Variants in LARS2 observed in about 807,000 individuals in gnomAD.
The protein encoded by LARS2 is leucine--tRNA ligase, mitochondrial.
A neutral mutation model predicts 116.6 loss-of-function variants in LARS2; 81 were observed. That is an observed-to-expected ratio of 0.69 (90% confidence interval 0.58 to 0.84). The LOEUF is 0.84. Among genes scored for constraint, LARS2 ranks in the 40% least tolerant of loss-of-function variants. The pLI, the probability that LARS2 is intolerant of heterozygous loss-of-function variation, is 0.00. For synonymous variants in LARS2, 396 were observed against 407.2 expected (o/e 0.97, Z 0.33); for missense variants, 968 against 1,114.5 (o/e 0.87, Z 1.87).
chr3:45,390,322 AT>A (rs1009683478), intron 1 of LARS2, among the ~76,000 whole-genome samples: 2 of 149,414 alleles, frequency 1.3e-5, no homozygotes, highest in Non-Finnish European at 1.5e-5. Context: ...TTATTTATTT[AT>A]TTTTTTTGAG....
At chr3:45,523,206 A>G (rs1288433823) in intron 19 of LARS2, among the ~76,000 whole-genome samples, 1 of 152,226 alleles carries the variant, frequency 6.6e-6, no homozygotes, top group Non-Finnish European at 1.5e-5. Flanking sequence ...ACACAGAGCT[A>G]AACACAACTA....
intron 18 of LARS2, among the ~76,000 whole-genome samples, chr3:45,518,732 T>TA (rs997726220): frequency 2.7e-4 from 40 of 146,812 alleles, no homozygotes; most frequent in Admixed American, 1.9e-3. Context: ...TAAGCTGATT[T>TA]AAAAAAAAAA....
chr3:45,535,322 C>T (rs1700683921), intron 20 of LARS2, among the ~76,000 whole-genome samples: 1 of 151,270 alleles, frequency 6.6e-6, no homozygotes, highest in Non-Finnish European at 1.5e-5. Flanking sequence ...CACTGCACTC[C>T]TGCCTGGGCG....
At position 45,520,350 on chromosome 3, in the gene LARS2, C is replaced by T. The variant is rs1001016145; in HGVS notation, c.2292+54C>T. 9.9e-6 allele frequency: 14 copies of T among 1,412,256 alleles called. No individual in the cohort carries two copies. The Admixed American group carries it at 1.3e-4, about 14-fold the overall frequency. The allele number at this position is 1,412,256 out of a possible 1,614,324, so 87.5% of individuals were successfully genotyped here. A position where few individuals can be genotyped will look rare whatever the true frequency, so the allele number is the denominator to read the frequency against. The stretch of plus-strand genomic sequence containing the variant: ...GCAGAGGAGGGAGGGAGAGGTGTGG[C>T]AAGGGGCCCCACAGGGTCCCAAGAG... On this transcript the variant is annotated intron_variant, in intron 19 of 21. Coordinates refer to ENST00000645846, the MANE Select transcript of LARS2 (RefSeq NM_015340.4).
intron 4 of LARS2, among the ~76,000 whole-genome samples, chr3:45,412,159 G>C (rs1438553315): frequency 6.6e-6 from 1 of 152,110 alleles, no homozygotes; most frequent in African/African-American, 2.4e-5. Context: ...CATACATGTG[G>C]ATGTGTCTGT....
intron 6 of LARS2, among the ~76,000 whole-genome samples, chr3:45,437,066 G>A (rs892251871): frequency 6.6e-6 from 1 of 152,180 alleles, no homozygotes; most frequent in Admixed American, 6.5e-5. Flanking sequence ...AAAAAAGACA[G>A]TGTGAGATGT....
At position 45,499,385 on chromosome 3, in the gene LARS2, T is replaced by C. The variant is rs368094897; in HGVS notation, c.1623-1057T>C. On this transcript the variant is annotated intron_variant, in intron 14 of 21. Coordinates refer to ENST00000645846, the MANE Select transcript of LARS2 (RefSeq NM_015340.4). ...TGAACCCTGGAGGCGGAGGTTGCAG[T>C]GAGCCGAGATCACGCCCCTGCAACC... 2.4e-3 allele frequency among the ~76,000 whole-genome samples: 370 copies of C among 152,100 alleles called. 12 individuals carry two copies. The South Asian group carries it at 0.07, about 29-fold the overall frequency.
At chr3:45,406,271 T>C (rs965690424) in intron 4 of LARS2, among the ~76,000 whole-genome samples, 1 of 152,158 alleles carries the variant, frequency 6.6e-6, no homozygotes, top group African/African-American at 2.4e-5. Flanking sequence ...TCTTAAACTT[T>C]AGGGTGTGTA....
intron 6 of LARS2, among the ~76,000 whole-genome samples, chr3:45,428,976 GACACA>G (rs2125693530): frequency 6.6e-6 from 1 of 152,146 alleles, no homozygotes; most frequent in East Asian, 1.9e-4. Flanking sequence ...GAGGTTTTCT[GACACA>G]GCCATAATAC....
chr3:45,461,054 G>A (rs1053629214), intron 8 of LARS2, among the ~76,000 whole-genome samples: 3 of 152,092 alleles, frequency 2.0e-5, no homozygotes, highest in Non-Finnish European at 4.4e-5. Context: ...GGAAAAAAAG[G>A]CATTCCAATA....
intron 4 of LARS2, among the ~76,000 whole-genome samples, chr3:45,415,329 A>G (rs1273309872): frequency 6.6e-6 from 1 of 152,230 alleles, no homozygotes; most frequent in African/African-American, 2.4e-5. Flanking sequence ...TACTCTTTAG[A>G]AATAATAATA....
At chr3:45,533,352 A>G (rs1298444858) in intron 20 of LARS2, among the ~76,000 whole-genome samples, 1 of 151,692 alleles carries the variant, frequency 6.6e-6, no homozygotes, top group African/African-American at 2.4e-5. Context: ...GGGTTTCACC[A>G]TGTTGGTCAG....
intron 7 of LARS2, among the ~76,000 whole-genome samples, chr3:45,448,092 A>G (rs949729200): frequency 3.9e-5 from 6 of 152,188 alleles, no homozygotes; most frequent in African/African-American, 1.4e-4. Flanking sequence ...TACAAAAAGT[A>G]GGAAAAAATT....
chr3:45,546,117 C>T (rs1261780414), intron 21 of LARS2, among the ~76,000 whole-genome samples: 2 of 152,328 alleles, frequency 1.3e-5, no homozygotes, highest in East Asian at 1.9e-4. Context: ...CTGGGCTGCT[C>T]TTCCATAGGA....
intron 20 of LARS2, among the ~76,000 whole-genome samples, chr3:45,532,055 G>A (rs116278306): frequency 0.013 from 2,041 of 152,240 alleles, 29 homozygotes; most frequent in African/African-American, 0.047. Context: ...CAGCAAATAA[G>A]GATGTTTTCT....
At chr3:45,491,835 C>T in intron 13 of LARS2, 35 bp downstream of exon 13, 1 of 1,593,810 alleles carries the variant, frequency 6.3e-7, no homozygotes, top group South Asian at 1.1e-5. Context: ...GTGACTGTGC[C>T]TATGGCCCCA....
At chr3:45,483,796 T>C (rs1699746132) in intron 10 of LARS2, among the ~76,000 whole-genome samples, 1 of 152,190 alleles carries the variant, frequency 6.6e-6, no homozygotes, top group Non-Finnish European at 1.5e-5. Flanking sequence ...CCATTGGGGC[T>C]GCATTTCACT....
At chr3:45,431,884 T>C (rs969102109) in intron 6 of LARS2, among the ~76,000 whole-genome samples, 1 of 152,152 alleles carries the variant, frequency 6.6e-6, no homozygotes, top group East Asian at 1.9e-4. Flanking sequence ...AAAAATGTAT[T>C]AAAAAGCATG....
At chr3:45,464,964 G>A (rs1030712582) in intron 8 of LARS2, among the ~76,000 whole-genome samples, 3 of 152,048 alleles carry the variant, frequency 2.0e-5, no homozygotes, top group South Asian at 2.1e-4. Flanking sequence ...GGTCAGACAG[G>A]GCTGAGGGTG....
Sources: gnomAD v4.1 joint callset for allele counts (sites outside exome capture counted in the v4.1 genomes callset) on GRCh38, gnomAD v4.1.1 for gene constraint, MANE v1.5 for transcripts, NCBI Gene and HGNC (gene_info 2026-07-23, HGNC 2026-07-21) for gene names.